Variants in GRK5 observed in about 807,000 individuals in gnomAD.
GRK5 encodes the protein g protein-coupled receptor kinase GRK5.
A neutral mutation model predicts 78.4 loss-of-function variants in GRK5; 40 were observed. The ratio of observed to expected loss-of-function variants is 0.51; its 90% CI spans 0.40 to 0.66. The LOEUF is 0.66. Among genes scored for constraint, GRK5 ranks in the 30% least tolerant of loss-of-function variants. GRK5 has a pLI of 0.00. For synonymous variants in GRK5, 289 were observed against 296.8 expected (o/e 0.97, Z 0.27); for missense variants, 598 against 759.9 (o/e 0.79, Z 2.50).
chr10:119,286,274 T>TA (rs1840173085), intron 1 of GRK5, among the ~76,000 whole-genome samples: 1 of 152,272 alleles, frequency 6.6e-6, no homozygotes, highest in African/African-American at 2.4e-5. Context: ...AGCTCACTGT[T>TA]ACAGTAATCC....
In GRK5 at chr10:119,259,842, A is replaced by G. The variant is rs550527693; in HGVS notation, c.52+51873A>G. ...TAGCTGCATATGGCTAGCGGCTACC[A>G]TAGTGGACAGCATAGCTCTAGAACA... On this transcript the variant is annotated intron_variant, in intron 1 of 15. Transcript: ENST00000392870. Among the ~76,000 whole-genome samples the G allele has an allele frequency of 5.2e-4, 79 of 152,346 alleles. 1 individual carries two copies. In the Middle Eastern group the frequency reaches 0.014, roughly 26 times the overall value.
Position 119,431,477 on chromosome 10 carries a change from A to C in GRK5, c.688A>C (p.Met230Leu), listed in dbSNP as rs1589806968. The C allele has an allele frequency of 1.2e-6, 2 of 1,613,956 alleles. No homozygotes were observed. The highest frequency in any genetic ancestry group is 1.1e-5 in the South Asian group (1 of 91,066). The stretch of plus-strand genomic sequence containing the variant: ...GATCAAAAAGAGGAAAGGGGAGTCC[A>C]TGGCCCTCAATGAGAAGCAGATCCT... ...KRIKKRKGESMALNEKQILEK... is the reference protein window; with the variant it reads ...KRIKKRKGESLALNEKQILEK... Residue 230 changes from methionine (M) to leucine (L), a missense_variant, in exon 8 of 16, where the codon ATG (methionine) becomes CTG (leucine). Physicochemically the swap from Met to Leu is conservative, Grantham distance 15. Coordinates refer to ENST00000392870, the MANE Select transcript of GRK5 (RefSeq NM_005308.3). This position sits in a 1 kb window ranked among gnomAD's most constrained non-coding sequence, Gnocchi z 4.8.
At chr10:119,300,517 T>C (rs750434775) in intron 1 of GRK5, among the ~76,000 whole-genome samples, 2 of 152,264 alleles carry the variant, frequency 1.3e-5, no homozygotes, top group Admixed American at 6.5e-5. Flanking sequence ...CAATGTGCCA[T>C]TGGGAAAGGA....
At chr10:119,241,157 C>G (rs1419238995) in intron 1 of GRK5, among the ~76,000 whole-genome samples, 1 of 152,198 alleles carries the variant, frequency 6.6e-6, no homozygotes, top group South Asian at 2.1e-4. Flanking sequence ...TAGCCCTCCT[C>G]CTCCGGCCTC....
In GRK5 at chr10:119,320,331, C is replaced by T. The variant is rs368197947; in HGVS notation, c.53-6185C>T. Among the ~76,000 whole-genome samples the T allele has an allele frequency of 1.1e-4, 17 of 152,304 alleles. No individual in the cohort carries two copies. The South Asian group carries it at 2.9e-3, about 26-fold the overall frequency. ...CTATCAGCACAGGGGAGACTGATGA[C>T]GGGCAAGGAAACAAATAAGTGGGAA... On this transcript the variant is annotated intron_variant, in intron 1 of 15. Coordinates refer to ENST00000392870, the MANE Select transcript of GRK5 (RefSeq NM_005308.3).
chr10:119,214,801 G>A (rs774849578), intron 1 of GRK5, among the ~76,000 whole-genome samples: 4 of 152,230 alleles, frequency 2.6e-5, no homozygotes, highest in Non-Finnish European at 5.9e-5. Flanking sequence ...GACTACAGGT[G>A]TGAGCCACCA....
chr10:119,350,647 C>A (rs1238405419), intron 2 of GRK5, among the ~76,000 whole-genome samples: 1 of 152,220 alleles, frequency 6.6e-6, no homozygotes, highest in Non-Finnish European at 1.5e-5. Context: ...CAGAGAAGAA[C>A]CCCTTTTTTG....
At chr10:119,281,667 C>T (rs1849765553) in intron 1 of GRK5, among the ~76,000 whole-genome samples, 1 of 152,174 alleles carries the variant, frequency 6.6e-6, no homozygotes, top group East Asian at 1.9e-4. Context: ...CCCTGGGTTC[C>T]CGGGGTGGTG....
chr10:119,389,709 C>T (rs907827123), intron 3 of GRK5, among the ~76,000 whole-genome samples: 8 of 152,106 alleles, frequency 5.3e-5, no homozygotes, highest in Middle Eastern at 3.2e-3. Context: ...TTCTTCCCTG[C>T]TAGAGAAAGC....
chr10:119,337,806 A>G lies in GRK5; in HGVS notation c.148+11195A>G, dbSNP rs540030689. Among the ~76,000 whole-genome samples, 220 of 152,082 alleles carry G rather than the reference A, an allele frequency of 1.4e-3. 1 individual carries two copies. In the Middle Eastern group the frequency reaches 0.017, roughly 12 times the overall value. On this transcript the variant is annotated intron_variant, in intron 2 of 15. Coordinates refer to ENST00000392870, the MANE Select transcript of GRK5 (RefSeq NM_005308.3). The stretch of plus-strand genomic sequence containing the variant: ...GGCTAATTTTTTTTATATTTTTAGT[A>G]GAGACGGGGTTTCACCAGGTTGCCA...
intron 1 of GRK5, among the ~76,000 whole-genome samples, chr10:119,318,681 A>G (rs918093824): frequency 1.3e-5 from 2 of 152,254 alleles, no homozygotes; most frequent in African/African-American, 4.8e-5. Context: ...TGACACTGCC[A>G]CAGGGACAAT....
intron 4 of GRK5, among the ~76,000 whole-genome samples, chr10:119,416,392 C>T (rs1461100045): frequency 6.6e-6 from 1 of 152,246 alleles, no homozygotes; most frequent in Non-Finnish European, 1.5e-5. Context: ...GCTACGGCAG[C>T]ATTCCTGCCA....
intron 3 of GRK5, among the ~76,000 whole-genome samples, chr10:119,396,313 T>A (rs959970056): frequency 1.3e-5 from 2 of 152,254 alleles, no homozygotes; most frequent in African/African-American, 4.8e-5. Flanking sequence ...TCTGGTAGTT[T>A]CCTTTGATTC....
At chr10:119,258,824 C>T (rs1164904555) in intron 1 of GRK5, among the ~76,000 whole-genome samples, 1 of 152,136 alleles carries the variant, frequency 6.6e-6, no homozygotes, top group South Asian at 2.1e-4. Context: ...AGGCAGGAAG[C>T]CTAGTTTCTA....
intron 2 of GRK5, among the ~76,000 whole-genome samples, chr10:119,338,477 T>C (rs1234880545): frequency 6.6e-6 from 1 of 152,248 alleles, no homozygotes; most frequent in Admixed American, 6.5e-5. Flanking sequence ...CATATACATG[T>C]GGTTTTGTTT....
chr10:119,343,434 A>T (rs569190857), intron 2 of GRK5, among the ~76,000 whole-genome samples: 6 of 152,156 alleles, frequency 3.9e-5, no homozygotes, highest in African/African-American at 1.4e-4. Flanking sequence ...TGCCTTCCCC[A>T]CCCCTATTTT....
At position 119,436,406 on chromosome 10, in the gene GRK5, T is replaced by A. The variant is rs189265559; in HGVS notation, c.739-245T>A. Among the ~76,000 whole-genome samples the A allele has an allele frequency of 4.6e-5, 7 of 152,252 alleles. No homozygotes were observed. The East Asian group carries it at 1.4e-3, about 29-fold the overall frequency. On this transcript the variant is annotated intron_variant, in intron 8 of 15. Transcript: ENST00000392870. ...TGTTGGATTCACTGGGAGGTCGGGG[T>A]GCTAGCCTGCCCTAACCCGCCTTGG...
intron 1 of GRK5, among the ~76,000 whole-genome samples, chr10:119,261,384 G>A (rs1258296059): frequency 6.7e-6 from 1 of 148,866 alleles, no homozygotes; most frequent in African/African-American, 2.5e-5. Context: ...ATGGGATGGC[G>A]GCCGGGCAGA....
chr10:119,400,194 A>G (rs570882535), intron 4 of GRK5, among the ~76,000 whole-genome samples: 2 of 152,344 alleles, frequency 1.3e-5, no homozygotes, highest in South Asian at 2.1e-4. Flanking sequence ...AGTAGGGCCA[A>G]CACATAAGCA....
Sources: gnomAD v4.1 joint callset for allele counts (sites outside exome capture counted in the v4.1 genomes callset) on GRCh38, gnomAD v4.1.1 for gene constraint, Gnocchi (gnomAD v3.1) non-coding constraint, MANE v1.5 for transcripts, NCBI Gene and HGNC (gene_info 2026-07-23, HGNC 2026-07-21) for gene names.